The following EBF2 variants were observed in gnomAD, a reference collection of about 807,000 sequenced individuals.
EBF2 encodes transcription factor COE2.
A neutral mutation model predicts 72.8 loss-of-function variants in EBF2; 21 were observed. The observed-to-expected ratio is 0.29, with a 90% CI of 0.20 to 0.42. EBF2 has a LOEUF of 0.42. EBF2 is among the 10% of genes least tolerant of loss of function. EBF2 has a pLI of 1.00. For missense variants in EBF2, 637 were observed against 731.2 expected, an observed-to-expected ratio of 0.87 and a Z score of 1.49; for synonymous variants, 299 against 274.2, an observed-to-expected ratio of 1.09 and a Z score of -0.89.
intron 10 of EBF2, among the ~76,000 whole-genome samples, chr8:25,866,675 C>T (rs1259911612): frequency 2.1e-5 from 3 of 143,528 alleles, no homozygotes; most frequent in Non-Finnish European, 4.5e-5. Context: ...TGTGTCACCC[C>T]GGCTGGAGTG....
rs373137697 is a variant in EBF2 at position 25,854,268 on chromosome 8, A to C, written c.1529-3507T>G. Among the ~76,000 whole-genome samples the C allele has an allele frequency of 4.9e-3, 737 of 151,572 alleles. 6 individuals carry two copies. Among genetic ancestry groups the C allele is most frequent in the African/African-American group, 0.017 (703 of 41,150 alleles). On this transcript the variant is annotated intron_variant, in intron 14 of 15. Transcript: ENST00000520164. Reference sequence around the variant, plus strand: ...AAAAAAAAAAAGCAAGAGATGAATAAATCCTCACATTCCTGGGAAACACTT... The same window carrying C: ...AAAAAAAAAAAGCAAGAGATGAATACATCCTCACATTCCTGGGAAACACTT...
rs919875756 is a variant in EBF2 at position 26,005,208 on chromosome 8, T to G, written c.551+27877A>C. 3.6e-5 allele frequency among the ~76,000 whole-genome samples: 4 copies of G among 112,642 alleles called. No individual in the cohort carries two copies. In the Admixed American group the frequency reaches 4.1e-4, roughly 12 times the overall value. 73.9% of individuals were successfully genotyped at this position (112,642 alleles called of 152,430 possible). A position where few individuals can be genotyped will look rare whatever the true frequency, so the allele number is the denominator to read the frequency against. ...TAAAAGAAGAGCTGGGAGATGGAGA[T>G]ATATATATATAGAATATATCTATAT... On this transcript the variant is annotated intron_variant, in intron 6 of 15. Coordinates refer to ENST00000520164, the MANE Select transcript of EBF2 (RefSeq NM_022659.4).
At chr8:25,862,916 GT>G in intron 10 of EBF2, 119 bp from the exon 11 acceptor site, 2 of 515,520 alleles carry the variant, frequency 3.9e-6, no homozygotes, top group Admixed American at 4.1e-5. Flanking sequence ...ATCAGTTAGG[GT>G]TTTTGCTATC....
chr8:25,968,688 A>T (rs1169500960), intron 6 of EBF2, among the ~76,000 whole-genome samples: 1 of 152,192 alleles, frequency 6.6e-6, no homozygotes, highest in Non-Finnish European at 1.5e-5. Flanking sequence ...TCAGCCTCCC[A>T]GCAGCTGGGA....
chr8:25,942,779 G>C (rs903782825), intron 6 of EBF2, among the ~76,000 whole-genome samples: 1 of 152,124 alleles, frequency 6.6e-6, no homozygotes, highest in Non-Finnish European at 1.5e-5. Flanking sequence ...TCGTTCCTGC[G>C]GGCTCGCCTA....
chr8:25,894,248 A>G (rs189644640), intron 7 of EBF2, among the ~76,000 whole-genome samples: 1 of 152,362 alleles, frequency 6.6e-6, no homozygotes, highest in African/African-American at 2.4e-5. Context: ...AATGAACTAC[A>G]TTATACAGGT....
chr8:25,991,133 G>A (rs10096895), intron 6 of EBF2, among the ~76,000 whole-genome samples: 80,448 of 151,938 alleles, frequency 0.53, 22,351 homozygotes, highest in East Asian at 0.87. Context: ...AGGAGATGCT[G>A]TTTCTTTTGC....
rs1585230853 is a variant in EBF2, at chr8:26,021,417, G to A, written c.551+11668C>T. Among the ~76,000 whole-genome samples, 2 of 152,172 alleles carry A rather than the reference G, an allele frequency of 1.3e-5. 1 individual carries two copies. The highest frequency in any genetic ancestry group is 3.8e-4 in the East Asian group (2 of 5,202). ...AAATCACTAAAATAAAGGAGCCATAGCATATGCTGATTGGGTCTGAAGTCA... is the reference window on the plus strand; with the variant it reads ...AAATCACTAAAATAAAGGAGCCATAACATATGCTGATTGGGTCTGAAGTCA... On this transcript the variant is annotated intron_variant, in intron 6 of 15. Transcript: ENST00000520164.
intron 6 of EBF2, among the ~76,000 whole-genome samples, chr8:25,987,706 A>G (rs1203459173): frequency 6.6e-6 from 1 of 152,124 alleles, no homozygotes; most frequent in African/African-American, 2.4e-5. Context: ...ATGCTTCTGT[A>G]TCGTGCTACT....
At chr8:25,898,265 G>C (rs2117302092) in intron 7 of EBF2, among the ~76,000 whole-genome samples, 1 of 152,212 alleles carries the variant, frequency 6.6e-6, no homozygotes, top group South Asian at 2.1e-4. Context: ...TTGAAGAACT[G>C]GGGGAGTTAC....
intron 6 of EBF2, among the ~76,000 whole-genome samples, chr8:25,923,187 C>G (rs1486199593): frequency 6.6e-6 from 1 of 152,194 alleles, no homozygotes; most frequent in Non-Finnish European, 1.5e-5. Context: ...CCACTCTGTG[C>G]AGGGATCTGA....
chr8:26,036,552 T>A (rs963042835), intron 5 of EBF2, among the ~76,000 whole-genome samples: 40 of 152,162 alleles, frequency 2.6e-4, no homozygotes, highest in Admixed American at 2.3e-3. Context: ...ATTATTATTT[T>A]TTTTTTTAGA....
chr8:25,857,817 A>ATGCAAAGTCAAAAAGCAG (rs1439482462), intron 14 of EBF2, among the ~76,000 whole-genome samples: 13 of 152,214 alleles, frequency 8.5e-5, no homozygotes, highest in Admixed American at 8.5e-4. Flanking sequence ...ATGGTGTGAT[A>ATGCAAAGTCAAAAAGCAG]CACAAAATAA....
intron 6 of EBF2, among the ~76,000 whole-genome samples, chr8:25,916,903 C>T (rs1432236625): frequency 6.6e-6 from 1 of 152,108 alleles, no homozygotes; most frequent in Non-Finnish European, 1.5e-5. Flanking sequence ...CAACACACTG[C>T]CTTCTGAGTA....
intron 6 of EBF2, among the ~76,000 whole-genome samples, chr8:26,029,995 TC>T (rs1805372267): frequency 6.6e-6 from 1 of 152,142 alleles, no homozygotes; most frequent in African/African-American, 2.4e-5. Context: ...CTCTGCAGCC[TC>T]CACCTCCTGG....
intron 9 of EBF2, 55 bp from the exon 10 acceptor site, chr8:25,886,936 G>A: frequency 6.3e-7 from 1 of 1,584,648 alleles, no homozygotes; most frequent in Non-Finnish European, 8.6e-7. Flanking sequence ...CCATCACCAA[G>A]GACATAAGGT....
At chr8:25,887,051 CTCTG>C (rs1160322059) in intron 9 of EBF2, among the ~76,000 whole-genome samples, 170 bp from the exon 10 acceptor site, 3 of 152,096 alleles carry the variant, frequency 2.0e-5, no homozygotes, top group Non-Finnish European at 4.4e-5. Context: ...CCTGTCCTGT[CTCTG>C]TCTGTCTCTG....
chr8:26,044,623 G>C lies in EBF2; in HGVS notation c.131+106C>G. On this transcript the variant is annotated intron_variant, in intron 1 of 15. Coordinates refer to ENST00000520164, the MANE Select transcript of EBF2 (RefSeq NM_022659.4). The surrounding 1 kb of genome is among the most constrained non-coding windows in gnomAD (Gnocchi z 4.1). ...CGCGCAGGGCCTGGGCGACAGATGG[G>C]GGGACAGGGAGAGAGAAAGGCACGG... is the stretch of plus-strand genomic sequence containing the variant. 1.3e-6 allele frequency: 2 copies of C among 1,486,872 alleles called. No individual in the cohort carries two copies. Among genetic ancestry groups the C allele is most frequent in the South Asian group, 1.3e-5 (1 of 78,714 alleles). The allele number at this position is 1,486,872 out of a possible 1,614,324, so 92.1% of individuals were successfully genotyped here. A position where few individuals can be genotyped will look rare whatever the true frequency, so the allele number is the denominator to read the frequency against.
intron 6 of EBF2, among the ~76,000 whole-genome samples, chr8:26,003,317 A>G (rs1804772516): frequency 1.3e-5 from 2 of 152,098 alleles, no homozygotes; most frequent in South Asian, 4.1e-4. Flanking sequence ...CTTCTTCCCC[A>G]TCCCTATTCC....
Sources: gnomAD v4.1 joint callset for allele counts (sites outside exome capture counted in the v4.1 genomes callset) on GRCh38, gnomAD v4.1.1 for gene constraint, Gnocchi (gnomAD v3.1) non-coding constraint, MANE v1.5 for transcripts, NCBI Gene and HGNC (gene_info 2026-07-23, HGNC 2026-07-21) for gene names.